KCNH2: variants seen among roughly 807,000 people sequenced by gnomAD.
The protein encoded by KCNH2 is potassium voltage-gated channel subfamily H member 2.
Under a neutral mutation model 95.9 loss-of-function variants are expected in KCNH2, and 35 were observed. That is an observed-to-expected ratio of 0.37 (90% CI 0.28 to 0.48). The LOEUF (loss-of-function observed/expected upper bound fraction) is 0.48, where lower values mean the gene tolerates loss of function less well. KCNH2 is among the 20% of genes least tolerant of loss of function. The pLI is 0.99. For synonymous variants in KCNH2, 786 were observed against 754.7 expected, an observed-to-expected ratio of 1.04 and a Z score of -0.68; for missense variants, 1,274 against 1,702.9, an observed-to-expected ratio of 0.75 and a Z score of 4.43.
intron 5 of KCNH2, among the ~76,000 whole-genome samples, chr7:150,954,804 C>T (rs1381777335): frequency 1.3e-5 from 2 of 152,240 alleles, no homozygotes; most frequent in East Asian, 3.8e-4. Flanking sequence ...GGCTGGATGG[C>T]TCCCAGGAGG....
chr7:150,973,757 G>T (rs997876268), intron 2 of KCNH2, among the ~76,000 whole-genome samples: 9 of 152,226 alleles, frequency 5.9e-5, no homozygotes, highest in Non-Finnish European at 1.3e-4. Context: ...AAAGCAGAGC[G>T]TGCTCACTGT....
At position 150,958,133 on chromosome 7, in the gene KCNH2, C is replaced by T. The variant is rs1415444609; in HGVS notation, c.842G>A (p.Arg281His). ...RSRESCASVR[R>H]ASSADDIEAM... ...CTCGATGTCGTCGGCCGACGAGGCG[C>T]GGCGCACGCTGGCGCAGCTTTCTCG... Residue 281 changes from arginine (R) to histidine (H), a missense_variant, in exon 4 of 15, where the codon CGC (arginine) becomes CAC (histidine). Physicochemically the swap from Arg to His is conservative, Grantham distance 29. This residue lies in a region of KCNH2 where 392 missense variants were observed against 429.9 expected (regional missense o/e 0.91). Coordinates refer to ENST00000262186, the MANE Select transcript of KCNH2 (RefSeq NM_000238.4). 7.7e-7 allele frequency: 1 copy of T among 1,304,316 alleles called. No homozygotes were observed. Among genetic ancestry groups the T allele is most frequent in the Non-Finnish European group, 9.7e-7 (1 of 1,030,646 alleles). 80.8% of individuals were successfully genotyped at this position (1,304,316 alleles called of 1,614,324 possible).
At position 150,948,529 on chromosome 7, in the gene KCNH2, C is replaced by A. The variant is rs199828796; in HGVS notation, c.2607G>T (p.Pro869=). 6.2e-7 allele frequency: 1 copy of A among 1,613,712 alleles called. No homozygotes were observed. The highest frequency in any genetic ancestry group is 8.5e-7 in the Non-Finnish European group (1 of 1,179,994). ...TFNLRDTNMI[P]GSPGSTELEG... ...CTAACTCCGTACTGCCGGGGGAGCC[C>A]GGGATCATGTTGGTCTGGAACCAAA... Residue 869 remains proline, a synonymous_variant, in exon 11 of 15, where the codon CCG becomes CCT. Transcript: ENST00000262186.
chr7:150,956,955 C>T (rs887663693), intron 5 of KCNH2, among the ~76,000 whole-genome samples: 1 of 152,130 alleles, frequency 6.6e-6, no homozygotes, highest in Non-Finnish European at 1.5e-5. Flanking sequence ...AGGCCGCCTT[C>T]CCCCCTTGCT....
chr7:150,974,611 G>GCCCCCCCCCCCCCCCCCCCCCC, intron 2 of KCNH2, 100 bp downstream of exon 2: 5 of 795,738 alleles, frequency 6.3e-6, no homozygotes, highest in Non-Finnish European at 9.4e-6. Context: ...TTCTCCAGCC[G>GCCCCCCCCCCCCCCCCCCCCCC]CCCCCACACC....
intron 2 of KCNH2, among the ~76,000 whole-genome samples, chr7:150,969,162 T>G (rs1053868017): frequency 6.6e-6 from 1 of 152,178 alleles, no homozygotes; most frequent in Non-Finnish European, 1.5e-5. Flanking sequence ...AGGGGACAGC[T>G]AGGCTCGGGT....
At position 150,977,828 on chromosome 7, in the gene KCNH2, C is replaced by T. The variant is rs1584885840; in HGVS notation, c.76+10G>A. 1 of 1,579,524 alleles carries T rather than the reference C, an allele frequency of 6.3e-7. No homozygotes were observed. The highest frequency in any genetic ancestry group is 8.6e-7 in the Non-Finnish European group (1 of 1,158,602). ...AGCCCCCTCCCCGCTCAGCCCCCTC[C>T]CCCACTCACTCTGGCCCTCAAACTT... On this transcript the variant is annotated intron_variant, in intron 1 of 14. Transcript: ENST00000262186.
At chr7:150,976,562 C>T (rs907047784) in intron 1 of KCNH2, among the ~76,000 whole-genome samples, 1 of 152,164 alleles carries the variant, frequency 6.6e-6, no homozygotes, top group Admixed American at 6.5e-5. Context: ...CAAGTTTCTT[C>T]GAAGGCATGC....
rs759310358 is a variant in KCNH2, at chr7:150,952,575, G to T, written c.1407C>A (p.Ile469=). The change falls in exon 6 of 15, where the codon ATC becomes ATA. Residue 469 remains isoleucine, a synonymous_variant. Coordinates refer to ENST00000262186, the MANE Select transcript of KCNH2 (RefSeq NM_000238.4). This position sits in a 1 kb window ranked among gnomAD's most constrained non-coding sequence, Gnocchi z 7.3. ...CATTGACGTAGGTGGTGCGGAAGTT[G>T]ATGAGGATGTCCACAATGAACATGA... ...VDIMFIVDIL[I]NFRTTYVNAN... 1.9e-6 allele frequency: 3 copies of T among 1,614,234 alleles called. No homozygotes were observed. In the Admixed American group the frequency reaches 5.0e-5, roughly 27 times the overall value.
Position 150,974,922 on chromosome 7 carries a change from G to A in KCNH2, c.96C>T (p.Ala32=), listed in dbSNP as rs140758014. ...CGGCGCAGTTCTCCACCCGAGCGTT[G>A]GCGATGATGAACTTACGGCCTAGGG... The part of the protein sequence containing the change: ...FEGQSRKFII[A]NARVENCAVI... The change falls in exon 2 of 15, where the codon GCC becomes GCT. Residue 32 remains alanine, a synonymous_variant. Coordinates refer to ENST00000262186, the MANE Select transcript of KCNH2 (RefSeq NM_000238.4). 3 of 1,607,810 alleles carry A rather than the reference G, an allele frequency of 1.9e-6. No individual in the cohort carries two copies. Among genetic ancestry groups the A allele is most frequent in the African/African-American group, 2.7e-5 (2 of 74,830 alleles).
intron 1 of KCNH2, 69 bp downstream of exon 1, chr7:150,977,769 C>T (rs1802012722): frequency 4.7e-6 from 6 of 1,280,772 alleles, no homozygotes; most frequent in African/African-American, 1.5e-5. Flanking sequence ...CACGCCCCCC[C>T]ATCCACACTC....
chr7:150,951,426 G>A lies in KCNH2; in HGVS notation c.1945+22C>T, dbSNP rs775399128. The stretch of plus-strand genomic sequence containing the variant: ...TCCTCCACCGTGGGCTCTCCCCGCC[G>A]CCCGCCCCTGGGCACACTCACAGCC... On this transcript the variant is annotated intron_variant, in intron 7 of 14. Coordinates refer to ENST00000262186, the MANE Select transcript of KCNH2 (RefSeq NM_000238.4). 48 of 1,612,952 alleles carry A rather than the reference G, an allele frequency of 3.0e-5. No homozygotes were observed. In the Middle Eastern group the frequency reaches 8.7e-4, roughly 29 times the overall value.
intron 9 of KCNH2, chr7:150,949,408 ATTTTTTTTT>A (rs1035990140): frequency 3.5e-5 from 13 of 375,776 alleles, no homozygotes; most frequent in Non-Finnish European, 4.2e-5. Context: ...CAAAACCAGC[ATTTTTTTTT>A]TTTTTTTTTT....
At position 150,958,259 on chromosome 7, in the gene KCNH2, G is replaced by C; in HGVS notation, c.716C>G (p.Ser239Cys). ...CTGGCCGGGCGCGCTGCGGGGCGGA[G>C]AGCCGGGACCCACCAGCGCACGCCG... ...EERRALVGPGSPPRSAPGQLP... is the reference protein window; with the variant it reads ...EERRALVGPGCPPRSAPGQLP... The change falls in exon 4 of 15, where the codon TCT becomes TGT. Residue 239 changes from serine (S) to cysteine (C), a missense_variant. By Grantham distance (112) the Ser-to-Cys change is moderately radical. Around this residue, in one of 7 missense-constraint regions of KCNH2, gnomAD observed 392 missense variants for 429.9 expected, o/e 0.91. Transcript: ENST00000262186. 1 of 1,434,370 alleles carries C rather than the reference G, an allele frequency of 7.0e-7. No individual in the cohort carries two copies. Among genetic ancestry groups the C allele is most frequent in the Non-Finnish European group, 9.1e-7 (1 of 1,097,308 alleles). The allele number at this position is 1,434,370 out of a possible 1,614,324, so 88.9% of individuals were successfully genotyped here.
chr7:150,974,177 C>T (rs764771659), intron 2 of KCNH2, among the ~76,000 whole-genome samples: 1 of 152,072 alleles, frequency 6.6e-6, no homozygotes, highest in Non-Finnish European at 1.5e-5. Context: ...ACGCACCTCC[C>T]CCAGGTGCTG....
intron 2 of KCNH2, among the ~76,000 whole-genome samples, chr7:150,970,481 C>T (rs905321374): frequency 6.6e-6 from 1 of 152,236 alleles, no homozygotes; most frequent in Non-Finnish European, 1.5e-5. Flanking sequence ...CCTTCAGTTG[C>T]GTCATGCCTG....
intron 2 of KCNH2, among the ~76,000 whole-genome samples, chr7:150,970,343 C>A (rs1359389987): frequency 1.3e-5 from 2 of 152,046 alleles, no homozygotes; most frequent in Non-Finnish European, 2.9e-5. Context: ...AAACTCTGCT[C>A]CCATCTCAGA....
chr7:150,949,433 T>A (rs1563151413), intron 9 of KCNH2: 4 of 766,484 alleles, frequency 5.2e-6, no homozygotes, highest in East Asian at 7.7e-5. Flanking sequence ...TTTTTTTTTT[T>A]ACTGAAAGAA....
At chr7:150,954,880 T>G (rs1220798426) in intron 5 of KCNH2, among the ~76,000 whole-genome samples, 1 of 152,166 alleles carries the variant, frequency 6.6e-6, no homozygotes, top group Non-Finnish European at 1.5e-5. Flanking sequence ...GCCAGGTGCC[T>G]CAGCCCAGCG....
Sources: gnomAD v4.1 joint callset for allele counts (sites outside exome capture counted in the v4.1 genomes callset) on GRCh38, gnomAD v4.1.1 for gene constraint, gnomAD v4.1.1 regional missense constraint, Gnocchi (gnomAD v3.1) non-coding constraint, MANE v1.5 for transcripts, NCBI Gene and HGNC (gene_info 2026-07-23, HGNC 2026-07-21) for gene names.